The following GRM8 variants were observed in gnomAD, a reference collection of about 807,000 sequenced individuals.
GRM8 encodes the protein metabotropic glutamate receptor 8.
GRM8 carries 47 observed loss-of-function variants against 87.2 expected under a neutral mutation model. The ratio of observed to expected loss-of-function variants is 0.54; its 90% CI spans 0.43 to 0.69. The LOEUF (loss-of-function observed/expected upper bound fraction) is 0.69. Among genes scored for constraint, GRM8 ranks in the 30% least tolerant of loss-of-function variants. The pLI is 0.00. For synonymous variants in GRM8, 396 were observed against 404.5 expected (o/e 0.98, Z 0.25); for missense variants, 1,019 against 1,139.2 (o/e 0.89, Z 1.52).
At chr7:126,664,276 C>T (rs766884512) in intron 7 of GRM8, among the ~76,000 whole-genome samples, 6 of 151,896 alleles carry the variant, frequency 4.0e-5, no homozygotes, top group African/African-American at 9.7e-5. Flanking sequence ...TCATAGAGTT[C>T]GAAAAACTAT....
Position 126,533,062 on chromosome 7 carries a change from G to C in GRM8, c.2320C>G (p.Pro774Ala). 6.2e-7 allele frequency: 1 copy of C among 1,613,156 alleles called. No individual in the cohort carries two copies. Residue 774 changes from proline (P) to alanine (A), a missense_variant, in exon 9 of 11, where the codon CCA (proline) becomes GCA (alanine). Pro to Ala is a conservative substitution (Grantham distance 27). Transcript: ENST00000339582. ...GGTTTGGCTTCATTGAAAGTCTCTG[G>C]GACACCTCTCGTTTTAATGGCATAA... The part of the protein sequence containing the change: ...TVYAIKTRGV[P>A]ETFNEAKPIG...
intron 9 of GRM8, among the ~76,000 whole-genome samples, chr7:126,465,649 AT>A (rs1804410891): frequency 6.6e-6 from 1 of 151,682 alleles, no homozygotes; most frequent in African/African-American, 2.4e-5. Flanking sequence ...GTAATTTTGT[AT>A]ATTGATCTTA....
At chr7:126,600,493 G>A (rs1345209) in intron 8 of GRM8, among the ~76,000 whole-genome samples, 46,931 of 151,986 alleles carry the variant, frequency 0.31, 8,117 homozygotes, top group East Asian at 0.44. Context: ...CTGATGCCCT[G>A]CCATGGACTA....
chr7:126,443,681 C>T (rs1801710082), intron 10 of GRM8, among the ~76,000 whole-genome samples: 1 of 151,942 alleles, frequency 6.6e-6, no homozygotes, highest in African/African-American at 2.4e-5. Flanking sequence ...GACTTTACTT[C>T]ACCTTCTAAA....
At chr7:127,037,851 G>GTGTC (rs1554576112) in intron 3 of GRM8, among the ~76,000 whole-genome samples, 201 of 151,988 alleles carry the variant, frequency 1.3e-3, no homozygotes, top group African/African-American at 4.7e-3. Flanking sequence ...GTGTGTGTGT[G>GTGTC]TGTGTGTGTG....
chr7:126,522,572 A>G (rs750310762), intron 9 of GRM8, among the ~76,000 whole-genome samples: 15 of 152,312 alleles, frequency 9.8e-5, no homozygotes, highest in African/African-American at 3.6e-4. Context: ...TGTTATTAAC[A>G]AGGAAAAAAG....
At chr7:127,172,025 C>G (rs1355398480) in intron 2 of GRM8, among the ~76,000 whole-genome samples, 3 of 144,216 alleles carry the variant, frequency 2.1e-5, no homozygotes, top group Non-Finnish European at 4.6e-5. Context: ...ATATTACTTG[C>G]AAAAAAAAAA....
intron 6 of GRM8, among the ~76,000 whole-genome samples, chr7:126,860,510 G>C (rs1452265455): frequency 6.6e-6 from 1 of 152,082 alleles, no homozygotes; most frequent in Non-Finnish European, 1.5e-5. Context: ...TTGCAATATA[G>C]ATATATTTGT....
chr7:126,831,366 C>A (rs568673001), intron 6 of GRM8, among the ~76,000 whole-genome samples: 1 of 152,230 alleles, frequency 6.6e-6, no homozygotes, highest in Non-Finnish European at 1.5e-5. Context: ...CCAGTTCGAG[C>A]TTCCCGGCTG....
intron 7 of GRM8, among the ~76,000 whole-genome samples, chr7:126,750,432 C>T (rs1816288890): frequency 6.6e-6 from 1 of 151,872 alleles, no homozygotes; most frequent in South Asian, 2.1e-4. Context: ...AAAATGAAAC[C>T]TCAAATTGTA....
intron 7 of GRM8, among the ~76,000 whole-genome samples, chr7:126,662,957 A>G (rs1805365073): frequency 6.6e-6 from 1 of 152,202 alleles, no homozygotes; most frequent in Non-Finnish European, 1.5e-5. Flanking sequence ...GGGATATTGT[A>G]AAATGCATTT....
intron 6 of GRM8, among the ~76,000 whole-genome samples, chr7:126,901,704 T>A (rs1802092682): frequency 6.6e-6 from 1 of 152,224 alleles, no homozygotes; most frequent in Admixed American, 6.5e-5. Flanking sequence ...AATGAATCAT[T>A]TCTAAAACAC....
intron 6 of GRM8, among the ~76,000 whole-genome samples, chr7:126,853,006 G>A (rs753773551): frequency 7.2e-5 from 11 of 152,116 alleles, no homozygotes; most frequent in Non-Finnish European, 8.8e-5. Flanking sequence ...GCTAGCATCC[G>A]CATTATTTTC....
At chr7:126,991,875 A>G in intron 3 of GRM8, among the ~76,000 whole-genome samples, 1 of 152,206 alleles carries the variant, frequency 6.6e-6, no homozygotes, top group Non-Finnish European at 1.5e-5. Flanking sequence ...AAGTTCCATA[A>G]TACACAGTGT....
chr7:127,045,186 C>A (rs571878832), intron 3 of GRM8, among the ~76,000 whole-genome samples: 1 of 152,212 alleles, frequency 6.6e-6, no homozygotes, highest in African/African-American at 2.4e-5. Context: ...TAATTTGTTC[C>A]ATTGCACTTA....
chr7:126,531,982 G>C (rs1814893844), intron 9 of GRM8, among the ~76,000 whole-genome samples: 1 of 152,164 alleles, frequency 6.6e-6, no homozygotes, highest in South Asian at 2.1e-4. Flanking sequence ...TCTCTCACAT[G>C]CCCATCAGGG....
At chr7:127,209,713 G>A (rs1796110350) in intron 2 of GRM8, among the ~76,000 whole-genome samples, 1 of 152,196 alleles carries the variant, frequency 6.6e-6, no homozygotes, top group Non-Finnish European at 1.5e-5. Context: ...GCCTGATGTA[G>A]CTCCATCTTC....
chr7:126,628,058 T>G (rs527678847), intron 7 of GRM8, among the ~76,000 whole-genome samples: 1 of 152,180 alleles, frequency 6.6e-6, no homozygotes, highest in Non-Finnish European at 1.5e-5. Context: ...TCTTTTTTTT[T>G]GTTCGAGACA....
At chr7:126,841,329 C>T (rs1333507621) in intron 6 of GRM8, among the ~76,000 whole-genome samples, 1 of 152,134 alleles carries the variant, frequency 6.6e-6, no homozygotes, top group Non-Finnish European at 1.5e-5. Flanking sequence ...GCTTTACCTA[C>T]ATTTCTGCAG....
Sources: allele counts gnomAD v4.1 joint callset (sites outside exome capture counted in the v4.1 genomes callset), GRCh38; gene constraint gnomAD v4.1.1; transcripts MANE v1.5; gene names NCBI Gene and HGNC (gene_info 2026-07-23, HGNC 2026-07-21).